The following ANO3 variants were observed in gnomAD, a reference collection of about 807,000 sequenced individuals.
ANO3 encodes anoctamin 3, also known as anoctamin-3.
In ANO3, 99 loss-of-function variants were observed where a neutral mutation model predicts 144.8. That is an observed-to-expected ratio of 0.68 (90% CI 0.58 to 0.81). ANO3 has a LOEUF of 0.81. Ranked by LOEUF, ANO3 falls within the 30% of genes least tolerant of loss-of-function variation. The probability of loss-of-function intolerance (pLI) is 0.00; values close to 1 mark genes in which losing one functional copy is unlikely to be tolerated. For missense variants in ANO3, 905 were observed against 1,202.2 expected, an observed-to-expected ratio of 0.75 and a Z score of 3.66; for synonymous variants, 414 against 392.6, an observed-to-expected ratio of 1.05 and a Z score of -0.64.
At chr11:26,303,555 G>A (rs1854286187) in intron 1 of ANO3, among the ~76,000 whole-genome samples, 1 of 152,084 alleles carries the variant, frequency 6.6e-6, no homozygotes, top group African/African-American at 2.4e-5. Context: ...GAGGGAGACG[G>A]AGGAAGGAAC....
chr11:26,379,723 G>T (rs1280519890), intron 1 of ANO3, among the ~76,000 whole-genome samples: 1 of 152,144 alleles, frequency 6.6e-6, no homozygotes, highest in Non-Finnish European at 1.5e-5. Context: ...AGCCTGGGAG[G>T]TGGAGGTTTC....
chr11:26,358,673 G>T (rs1855849309), intron 1 of ANO3, among the ~76,000 whole-genome samples: 1 of 152,048 alleles, frequency 6.6e-6, no homozygotes, highest in Non-Finnish European at 1.5e-5. Context: ...TTTTTGAAAT[G>T]CTTTCGGCCA....
chr11:26,547,276 T>C, intron 11 of ANO3, 140 bp from the exon 12 acceptor site: 1 of 770,696 alleles, frequency 1.3e-6, no homozygotes, highest in Non-Finnish European at 2.1e-6. Flanking sequence ...GCAGGAGTAT[T>C]AGATACTTTA....
upstream of ANO3, among the ~76,000 whole-genome samples, chr11:26,308,351 A>C (rs1017695858): frequency 6.6e-6 from 1 of 152,184 alleles, no homozygotes; most frequent in Non-Finnish European, 1.5e-5. Context: ...TTTACATTCC[A>C]TAAACTTATA....
intron 5 of ANO3, among the ~76,000 whole-genome samples, chr11:26,514,024 T>C (rs1164691743): frequency 1.3e-5 from 2 of 151,870 alleles, no homozygotes; most frequent in African/African-American, 4.8e-5. Flanking sequence ...CATAGAATAA[T>C]TTAATACATA....
At chr11:26,353,398 C>T (rs1855697007) in intron 1 of ANO3, among the ~76,000 whole-genome samples, 1 of 152,126 alleles carries the variant, frequency 6.6e-6, no homozygotes, top group African/African-American at 2.4e-5. Context: ...TCAATAGTTT[C>T]CTTTTTGTTA....
chr11:26,295,790 T>C (rs1031027182), intron 1 of ANO3, among the ~76,000 whole-genome samples: 29 of 152,142 alleles, frequency 1.9e-4, no homozygotes, highest in Non-Finnish European at 3.5e-4. Flanking sequence ...TGGAAATAAA[T>C]CTAAGAAAAC....
At chr11:26,429,976 G>A (rs572692880) in intron 1 of ANO3, among the ~76,000 whole-genome samples, 14 of 152,232 alleles carry the variant, frequency 9.2e-5, no homozygotes, top group African/African-American at 3.4e-4. Flanking sequence ...GGGGGCTCAC[G>A]TCTGTAATCT....
chr11:26,305,091 C>T (rs1317760033), upstream of ANO3, among the ~76,000 whole-genome samples: 1 of 149,328 alleles, frequency 6.7e-6, no homozygotes, highest in Non-Finnish European at 1.5e-5. Context: ...GAACTCTTCA[C>T]AGTTATCCAA....
At chr11:26,581,163 A>G (rs939177594) in intron 14 of ANO3, among the ~76,000 whole-genome samples, 1 of 152,202 alleles carries the variant, frequency 6.6e-6, no homozygotes, top group Non-Finnish European at 1.5e-5. Flanking sequence ...TGTTTATATA[A>G]TGAGTGAGAT....
intron 1 of ANO3, among the ~76,000 whole-genome samples, chr11:26,374,353 T>C (rs939052561): frequency 1.1e-4 from 16 of 152,198 alleles, no homozygotes; most frequent in African/African-American, 3.9e-4. Flanking sequence ...TGCTTTGTAG[T>C]CCTGTATAGG....
intron 17 of ANO3, among the ~76,000 whole-genome samples, chr11:26,619,846 A>G (rs189011400): frequency 3.0e-4 from 45 of 152,354 alleles, no homozygotes; most frequent in African/African-American, 1.0e-3. Context: ...AAATCATTCA[A>G]AAATACTCTC....
Position 26,413,300 on chromosome 11 carries a change from A to G in ANO3, c.47-28618A>G, listed in dbSNP as rs576299523. ...TTCATATAGGTGCTTCACTAAAGAC[A>G]TTACTTCTTTTTTTTTTACTGCAGA... is the stretch of plus-strand genomic sequence containing the variant. On this transcript the variant is annotated intron_variant, in intron 1 of 26. Transcript: ENST00000256737. Among the ~76,000 whole-genome samples the G allele has an allele frequency of 4.0e-5, 6 of 151,792 alleles. No individual in the cohort carries two copies. The South Asian group carries it at 1.0e-3, about 26-fold the overall frequency.
chr11:26,483,388 G>A (rs1860305687), intron 4 of ANO3, among the ~76,000 whole-genome samples: 1 of 152,158 alleles, frequency 6.6e-6, no homozygotes. Flanking sequence ...TCTGGAGGAG[G>A]GGTCTGGTAG....
chr11:26,612,479 T>G (rs377405586), intron 17 of ANO3, among the ~76,000 whole-genome samples: 2 of 151,008 alleles, frequency 1.3e-5, no homozygotes, highest in African/African-American at 4.9e-5. Context: ...TGGCTGTTGT[T>G]GTTTTTTATT....
intron 7 of ANO3, among the ~76,000 whole-genome samples, chr11:26,530,280 A>C (rs1048190044): frequency 2.0e-5 from 3 of 152,194 alleles, no homozygotes; most frequent in African/African-American, 7.2e-5. Context: ...AGCACAGTGC[A>C]ATAAATTATA....
chr11:26,596,543 C>T (rs982263281), intron 14 of ANO3, among the ~76,000 whole-genome samples: 1 of 152,132 alleles, frequency 6.6e-6, no homozygotes, highest in Non-Finnish European at 1.5e-5. Context: ...GTCACCAGGG[C>T]CAAGACTCCC....
At chr11:26,450,621 T>G (rs1346375205) in intron 3 of ANO3, among the ~76,000 whole-genome samples, 1 of 152,224 alleles carries the variant, frequency 6.6e-6, no homozygotes, top group Non-Finnish European at 1.5e-5. Context: ...CACTTACTAC[T>G]TGGGTACACA....
intron 1 of ANO3, among the ~76,000 whole-genome samples, chr11:26,300,656 T>A (rs543933453): frequency 6.6e-6 from 1 of 152,092 alleles, no homozygotes; most frequent in Non-Finnish European, 1.5e-5. Flanking sequence ...CTTATAGATA[T>A]GTGTCTGTGG....
Sources: gnomAD v4.1 joint callset for allele counts (sites outside exome capture counted in the v4.1 genomes callset) on GRCh38, gnomAD v4.1.1 for gene constraint, MANE v1.5 for transcripts, NCBI Gene and HGNC (gene_info 2026-07-23, HGNC 2026-07-21) for gene names.